The following IMMT variants were observed in gnomAD, a reference collection of about 807,000 sequenced individuals.
IMMT encodes the protein inner membrane mitochondrial protein.
A neutral mutation model predicts 92.7 loss-of-function variants in IMMT; 40 were observed. That is an observed-to-expected ratio of 0.43 (90% CI 0.34 to 0.56). IMMT has a LOEUF of 0.56. IMMT is among the 20% of genes least tolerant of loss of function. The pLI is 0.03. For synonymous variants in IMMT, 322 were observed against 336.1 expected, an observed-to-expected ratio of 0.96 and a Z score of 0.46; for missense variants, 831 against 912.1, an observed-to-expected ratio of 0.91 and a Z score of 1.14.
intron 1 of IMMT, among the ~76,000 whole-genome samples, chr2:86,192,282 A>G (rs539244628): frequency 3.0e-4 from 46 of 152,254 alleles, no homozygotes; most frequent in Non-Finnish European, 4.9e-4. Context: ...GAGAATCTGA[A>G]TATATAATCA....
chr2:86,149,895 A>G (rs13026675), intron 12 of IMMT, among the ~76,000 whole-genome samples: 59,834 of 148,872 alleles, frequency 0.4, 13,848 homozygotes, highest in Non-Finnish European at 0.52. Context: ...AAAAAAAAAA[A>G]AAAGAAAGAA....
chr2:86,192,453 T>C (rs1490762804), intron 1 of IMMT, among the ~76,000 whole-genome samples: 1 of 151,058 alleles, frequency 6.6e-6, no homozygotes, highest in Non-Finnish European at 1.5e-5. Context: ...AAAAAATCTT[T>C]TTAAATTAAA....
intron 5 of IMMT, 73 bp downstream of exon 5, chr2:86,171,135 G>A (rs1369589190): frequency 7.7e-6 from 10 of 1,295,428 alleles, no homozygotes; most frequent in Admixed American, 2.2e-5. Flanking sequence ...TAGTGTCTAC[G>A]TGTTGCCTAG....
chr2:86,151,185 C>A (rs1348579093), intron 12 of IMMT, 112 bp downstream of exon 12: 1 of 914,066 alleles, frequency 1.1e-6, no homozygotes, highest in East Asian at 2.6e-5. Context: ...CCCAAAGTGC[C>A]GCGATTACAG....
chr2:86,144,935 C>T (rs1374024366), intron 14 of IMMT, 54 bp from the exon 15 acceptor site: 1 of 1,534,624 alleles, frequency 6.5e-7, no homozygotes, highest in Non-Finnish European at 8.7e-7. Context: ...TGACAACATA[C>T]ATCCACAGAA....
chr2:86,163,180 C>CCTA (rs1159574775), intron 7 of IMMT, among the ~76,000 whole-genome samples: 1 of 151,916 alleles, frequency 6.6e-6, no homozygotes, highest in Non-Finnish European at 1.5e-5. Flanking sequence ...AATAGCCAGG[C>CCTA]GTAGTGGCTC....
chr2:86,171,059 G>T, intron 5 of IMMT, 149 bp downstream of exon 5: 2 of 761,480 alleles, frequency 2.6e-6, no homozygotes, highest in Non-Finnish European at 2.1e-6. Flanking sequence ...AGATACATTC[G>T]GACATTTAAA....
chr2:86,149,486 G>A (rs1230452110), intron 12 of IMMT, among the ~76,000 whole-genome samples: 1 of 152,118 alleles, frequency 6.6e-6, no homozygotes, highest in East Asian at 1.9e-4. Context: ...TGTTTTATTT[G>A]CCTGCGTAAA....
At position 86,144,895 on chromosome 2, in the gene IMMT, A is replaced by C. The variant is rs761410642; in HGVS notation, c.1664-14T>G. On this transcript the variant is annotated splice_polypyrimidine_tract_variant and intron_variant, in intron 14 of 14. Transcript: ENST00000410111. The stretch of plus-strand genomic sequence containing the variant: ...CAACTGCATGGCCTACAAAGAAAAA[A>C]AGGCAAAGCCAAACATTTTTCTCTC... The C allele has an allele frequency of 6.4e-7, 1 of 1,568,564 alleles. No individual in the cohort carries two copies. The highest frequency in any genetic ancestry group is 8.6e-7 in the Non-Finnish European group (1 of 1,160,960).
intron 7 of IMMT, among the ~76,000 whole-genome samples, 158 bp downstream of exon 7, chr2:86,166,350 A>T (rs1282138111): frequency 3.9e-5 from 6 of 152,222 alleles, no homozygotes; most frequent in Admixed American, 2.0e-4. Flanking sequence ...ACAAAAAAAG[A>T]TTAATTATTC....
chr2:86,177,321 G>C (rs1677495181), intron 3 of IMMT, among the ~76,000 whole-genome samples: 1 of 151,800 alleles, frequency 6.6e-6, no homozygotes, highest in Admixed American at 6.6e-5. Flanking sequence ...AATTTTTTTA[G>C]GCTGGGCGCA....
At chr2:86,181,171 C>T (rs1672408828) in intron 2 of IMMT, 128 bp downstream of exon 2, 1 of 620,640 alleles carries the variant, frequency 1.6e-6, no homozygotes, top group African/African-American at 1.8e-5. Flanking sequence ...AATGTTACAG[C>T]AAAGCTTCGG....
intron 9 of IMMT, 97 bp from the exon 10 acceptor site, chr2:86,158,818 G>C: frequency 9.7e-7 from 1 of 1,030,164 alleles, no homozygotes; most frequent in East Asian, 2.7e-5. Context: ...TTTACATTTT[G>C]TTGGAAATGT....
chr2:86,143,994 T>C lies in IMMT; in HGVS notation c.*274A>G, dbSNP rs2104480117. 1 of 515,728 alleles carries C rather than the reference T, an allele frequency of 1.9e-6. No homozygotes were observed. The highest frequency in any genetic ancestry group is 3.5e-6 in the Non-Finnish European group (1 of 286,174). The allele number at this position is 515,728 out of a possible 1,614,324, so 31.9% of individuals were successfully genotyped here. A position where few individuals can be genotyped will look rare whatever the true frequency, so the allele number is the denominator to read the frequency against. Reference sequence around the variant, plus strand: ...AGGGCAAAATCAACAGTAGTAGAGATCACAAACATTATTTTGATTGGCCTC... The same window carrying C: ...AGGGCAAAATCAACAGTAGTAGAGACCACAAACATTATTTTGATTGGCCTC... On this transcript the variant is annotated 3_prime_UTR_variant, in exon 15 of 15. Coordinates refer to ENST00000410111, the MANE Select transcript of IMMT (RefSeq NM_006839.3).
At position 86,157,804 on chromosome 2, in the gene IMMT, GA is replaced by G. The variant is rs113355266; in HGVS notation, c.1162+787del. Among the ~76,000 whole-genome samples the G allele has an allele frequency of 3.5e-3, 392 of 111,848 alleles. 2 individuals are homozygous for G. The South Asian group carries it at 0.042, about 12-fold the overall frequency. The allele number at this position is 111,848 out of a possible 152,430, so 73.4% of individuals were successfully genotyped here. Reference sequence around the variant, plus strand: ...ACTTTGTCTCAAAAAAAAAAAAAAAGAAAAAAAAAAAAAGGTACAAAAAATT... The same window carrying G: ...ACTTTGTCTCAAAAAAAAAAAAAAAGAAAAAAAAAAAAGGTACAAAAAATT... On this transcript the variant is annotated intron_variant, in intron 10 of 14. Coordinates refer to ENST00000410111, the MANE Select transcript of IMMT (RefSeq NM_006839.3).
intron 4 of IMMT, chr2:86,171,587 G>A (rs994216026): frequency 2.3e-6 from 1 of 432,350 alleles, no homozygotes; most frequent in Non-Finnish European, 4.2e-6. Context: ...GCATCCACCT[G>A]CATTTTAACC....
chr2:86,179,143 T>C (rs553784095), intron 3 of IMMT, among the ~76,000 whole-genome samples: 8 of 152,354 alleles, frequency 5.3e-5, no homozygotes, highest in South Asian at 2.1e-4. Context: ...CTTGTCATCA[T>C]TCCCTAAATA....
intron 12 of IMMT, 45 bp downstream of exon 12, chr2:86,151,248 CAAGT>C (rs775947312): frequency 8.4e-6 from 12 of 1,436,224 alleles, no homozygotes; most frequent in Non-Finnish European, 1.2e-5. Flanking sequence ...AGTAAACAAT[CAAGT>C]TAGAGTCACT....
chr2:86,155,880 G>A (rs990301276), intron 10 of IMMT, among the ~76,000 whole-genome samples: 3 of 152,044 alleles, frequency 2.0e-5, no homozygotes, highest in Admixed American at 6.6e-5. Flanking sequence ...CAGTAATACC[G>A]GTTGTCCCTG....
Sources: gnomAD v4.1 joint callset for allele counts (sites outside exome capture counted in the v4.1 genomes callset) on GRCh38, gnomAD v4.1.1 for gene constraint, MANE v1.5 for transcripts, NCBI Gene and HGNC (gene_info 2026-07-23, HGNC 2026-07-21) for gene names.